Variants in CPXM2 observed in about 807,000 individuals in gnomAD.
CPXM2 encodes the protein carboxypeptidase X, M14 family member 2.
Under a neutral mutation model 86.1 loss-of-function variants are expected in CPXM2, and 66 were observed. The ratio of observed to expected loss-of-function variants is 0.77; its 90% CI spans 0.63 to 0.94. The LOEUF is 0.94. CPXM2 is among the 40% of genes least tolerant of loss of function. The pLI is 0.00. For synonymous variants in CPXM2, 388 were observed against 400.2 expected (o/e 0.97, Z 0.36); for missense variants, 948 against 1,026.3 (o/e 0.92, Z 1.04).
chr10:123,840,812 T>C (rs1848371332), intron 4 of CPXM2, among the ~76,000 whole-genome samples: 1 of 152,220 alleles, frequency 6.6e-6, no homozygotes, highest in African/African-American at 2.4e-5. Flanking sequence ...AAAGTCCCCT[T>C]TGCAGGGACA....
intron 2 of CPXM2, among the ~76,000 whole-genome samples, chr10:123,866,589 C>T (rs1848986596): frequency 6.6e-6 from 1 of 151,546 alleles, no homozygotes; most frequent in African/African-American, 2.4e-5. Flanking sequence ...AGTTTAAACT[C>T]AGACGACTTG....
chr10:123,852,584 A>G (rs1422343929), intron 3 of CPXM2, among the ~76,000 whole-genome samples: 1 of 152,136 alleles, frequency 6.6e-6, no homozygotes, highest in African/African-American at 2.4e-5. Flanking sequence ...TGTGTCCAGA[A>G]CTTTCCAGGG....
chr10:123,813,045 T>C (rs1162984941), intron 4 of CPXM2, among the ~76,000 whole-genome samples: 1 of 152,256 alleles, frequency 6.6e-6, no homozygotes, highest in Non-Finnish European at 1.5e-5. Context: ...TTTATTTGAA[T>C]GTTGTACAAT....
intron 6 of CPXM2, among the ~76,000 whole-genome samples, chr10:123,785,022 C>G (rs1360619542): frequency 2.6e-5 from 4 of 152,194 alleles, no homozygotes; most frequent in Non-Finnish European, 4.4e-5. Flanking sequence ...ATAGGGCGTA[C>G]ACGAAGTGAC....
chr10:123,805,620 T>C (rs990686651), intron 4 of CPXM2, among the ~76,000 whole-genome samples: 5 of 152,172 alleles, frequency 3.3e-5, no homozygotes, highest in Admixed American at 2.6e-4. Context: ...GCTCAGTATA[T>C]GGTCAACTTT....
Position 123,746,894 on chromosome 10 carries a change from C to T in CPXM2, c.2141G>A (p.Cys714Tyr), listed in dbSNP as rs1311151376. ...MVGYDMGATRCDFTLSKTNMA... is the reference protein window; with the variant it reads ...MVGYDMGATRYDFTLSKTNMA... ...GTTGGTTTTGCTAAGTGTGAAGTCA[C>T]ACCTTGTGGCCCCCATGTCATAGCC... is the stretch of plus-strand genomic sequence containing the variant. The change falls in exon 14 of 14, where the codon TGT (cysteine) becomes TAT (tyrosine). Residue 714 changes from cysteine (C) to tyrosine (Y), a missense_variant. Transcript: ENST00000241305. 3.1e-6 allele frequency: 5 copies of T among 1,614,028 alleles called. No homozygotes were observed. The highest frequency in any genetic ancestry group is 4.2e-6 in the Non-Finnish European group (5 of 1,180,030).
rs1945273532 is a variant in CPXM2, at chr10:123,891,583, T to C, written c.77A>G (p.Gln26Arg). The C allele has an allele frequency of 6.5e-7, 1 of 1,536,362 alleles. No individual in the cohort carries two copies. Among genetic ancestry groups the C allele is most frequent in the Non-Finnish European group, 8.8e-7 (1 of 1,140,232 alleles). The change falls in exon 1 of 14, where the codon CAG (glutamine) becomes CGG (arginine). Residue 26 changes from glutamine to arginine, a missense_variant. Gln to Arg is a conservative substitution (Grantham distance 43). Coordinates refer to ENST00000241305, the MANE Select transcript of CPXM2 (RefSeq NM_198148.3). The surrounding 1 kb of genome is among the most constrained non-coding windows in gnomAD (Gnocchi z 5.6). ...LAVTLAGVGA[Q>R]GAALEDPDYY... ...ATCAGGGTCCTCGAGGGCTGCGCCC[T>C]GGGCTCCGACCCCGGCCAGGGTCAC... is the stretch of plus-strand genomic sequence containing the variant.
intron 2 of CPXM2, among the ~76,000 whole-genome samples, chr10:123,870,858 C>A (rs1490405758): frequency 6.6e-6 from 1 of 152,214 alleles, no homozygotes; most frequent in African/African-American, 2.4e-5. Context: ...AGCAAAGGAA[C>A]CCACCACTGG....
intron 2 of CPXM2, among the ~76,000 whole-genome samples, chr10:123,864,050 G>A (rs998929301): frequency 4.6e-5 from 7 of 152,312 alleles, no homozygotes; most frequent in Non-Finnish European, 8.8e-5. Flanking sequence ...GGCCCCAGGA[G>A]CCTGGGCTCT....
At position 123,767,023 on chromosome 10, in the gene CPXM2, G is replaced by A. The variant is rs1846493547; in HGVS notation, c.1429C>T (p.Pro477Ser). 1.9e-6 allele frequency: 3 copies of A among 1,614,038 alleles called. No homozygotes were observed. In the African/African-American group the frequency reaches 4.0e-5, roughly 22 times the overall value. ...EDRQNVPRKV[P>S]NHYIAIPEWF... is the part of the protein sequence containing the mutation. The stretch of plus-strand genomic sequence containing the variant: ...TCAGGGATTGCAATATAGTGATTGG[G>A]AACTTTCCTGGGGACATTCTGTCGA... Residue 477 changes from proline (P) to serine (S), a missense_variant, in exon 10 of 14, where the codon CCC becomes TCC. Pro to Ser is a moderately conservative substitution (Grantham distance 74, BLOSUM62 -1). Coordinates refer to ENST00000241305, the MANE Select transcript of CPXM2 (RefSeq NM_198148.3).
chr10:123,887,614 T>C (rs1402902073), intron 1 of CPXM2, among the ~76,000 whole-genome samples: 1 of 152,130 alleles, frequency 6.6e-6, no homozygotes, highest in Non-Finnish European at 1.5e-5. Context: ...AGGGTGCTAC[T>C]GGCATCCAAT....
At chr10:123,880,501 G>A (rs1004839992) in intron 1 of CPXM2, among the ~76,000 whole-genome samples, 192 bp from the exon 2 acceptor site, 6 of 152,068 alleles carry the variant, frequency 3.9e-5, no homozygotes, top group African/African-American at 1.4e-4. Flanking sequence ...ACACCCAGGA[G>A]AAGAAACACT....
chr10:123,854,239 T>C (rs1590068591), intron 3 of CPXM2, among the ~76,000 whole-genome samples: 1 of 149,266 alleles, frequency 6.7e-6, no homozygotes, highest in East Asian at 2.0e-4. Context: ...GGGCCCTTCC[T>C]GGATGTGGGC....
chr10:123,869,029 T>C (rs1944846586), intron 2 of CPXM2, among the ~76,000 whole-genome samples: 1 of 151,270 alleles, frequency 6.6e-6, no homozygotes, highest in African/African-American at 2.4e-5. Flanking sequence ...AAGACGGGAG[T>C]GTTGCATAGG....
At chr10:123,928,748 G>A (rs1257674922) in intron 2 of CPXM2, among the ~76,000 whole-genome samples, 2 of 152,240 alleles carry the variant, frequency 1.3e-5, no homozygotes, top group Non-Finnish European at 2.9e-5. Context: ...GAGTGAATGA[G>A]CCTTCAGATG....
intron 13 of CPXM2, among the ~76,000 whole-genome samples, chr10:123,753,266 G>A (rs1846123140): frequency 1.3e-5 from 2 of 152,162 alleles, no homozygotes; most frequent in African/African-American, 4.8e-5. Flanking sequence ...GGTGGGGAGT[G>A]GGACACAGCA....
At chr10:123,758,931 C>T (rs1333300780) in intron 11 of CPXM2, among the ~76,000 whole-genome samples, 1 of 152,160 alleles carries the variant, frequency 6.6e-6, no homozygotes, top group Non-Finnish European at 1.5e-5. Flanking sequence ...TTTGGGGTGT[C>T]AAGAGCAACT....
At chr10:123,941,615 G>T (rs565111118), upstream of CPXM2, among the ~76,000 whole-genome samples, 1 of 152,370 alleles carries the variant, frequency 6.6e-6, no homozygotes, top group East Asian at 1.9e-4. Context: ...ACCCATAACA[G>T]TGAATAATGT....
At chr10:123,809,748 G>C (rs1014147884) in intron 4 of CPXM2, among the ~76,000 whole-genome samples, 4 of 149,316 alleles carry the variant, frequency 2.7e-5, no homozygotes, top group Admixed American at 2.7e-4. Context: ...AAATTAATAA[G>C]ATATTTCTTT....
Sources: allele counts gnomAD v4.1 joint callset (sites outside exome capture counted in the v4.1 genomes callset), GRCh38; gene constraint gnomAD v4.1.1; non-coding constraint Gnocchi (gnomAD v3.1); transcripts MANE v1.5; gene names NCBI Gene and HGNC (gene_info 2026-07-23, HGNC 2026-07-21).